The following TMCO5A variants were observed in gnomAD, a reference collection of about 807,000 sequenced individuals.
The protein encoded by TMCO5A is transmembrane and coiled-coil domain-containing protein 5A.
In TMCO5A, 34 loss-of-function variants were observed where a neutral mutation model predicts 42.3. That is an observed-to-expected ratio of 0.80 (90% CI 0.61 to 1.07). TMCO5A has a LOEUF of 1.07. Among genes scored for constraint, TMCO5A ranks in the 50% least tolerant of loss-of-function variants. The pLI, the probability that TMCO5A is intolerant of heterozygous loss-of-function variation, is 0.00. For missense variants in TMCO5A, 357 were observed against 327.9 expected (o/e 1.09, Z -0.69); for synonymous variants, 131 against 115.6 (o/e 1.13, Z -0.86).
the TMCO5A span, among the ~76,000 whole-genome samples, chr15:37,988,047 T>C: frequency 2.0e-5 from 3 of 152,084 alleles, no homozygotes; most frequent in East Asian, 5.8e-4. Flanking sequence ...CAATGTTTCA[T>C]AATTTTCTTT....
downstream of TMCO5A, among the ~76,000 whole-genome samples, chr15:37,971,931 C>T (rs1043364598): frequency 6.6e-6 from 1 of 152,222 alleles, no homozygotes; most frequent in Admixed American, 6.5e-5. Context: ...CCCACATTTT[C>T]CTGTCTTCTT....
chr15:38,028,879 T>C, the TMCO5A span, among the ~76,000 whole-genome samples: 1 of 152,050 alleles, frequency 6.6e-6, no homozygotes, highest in Non-Finnish European at 1.5e-5. Flanking sequence ...AACTACTTCC[T>C]TGAGACCACG....
chr15:37,955,598 G>A (rs1040996532), downstream of TMCO5A, among the ~76,000 whole-genome samples: 1 of 152,066 alleles, frequency 6.6e-6, no homozygotes, highest in South Asian at 2.1e-4. Context: ...CATAAAGCAA[G>A]TTCTCAGAGA....
In TMCO5A at chr15:37,960,424, A is replaced by G. The variant is rs768723830; in HGVS notation, c.669-6201A>G. Among the ~76,000 whole-genome samples the G allele has an allele frequency of 4.4e-4, 67 of 152,000 alleles. 3 individuals are homozygous for G. Among genetic ancestry groups the G allele is most frequent in the Non-Finnish European group, 1.0e-4 (7 of 67,992 alleles). On this transcript the variant is annotated intron_variant, in intron 11 of 11. Transcript: ENST00000559502. ...TAAATATACCACAATTTTTTTATCC[A>G]TTAGTTGATTGATGGGCATTTGGGT...
the TMCO5A span, among the ~76,000 whole-genome samples, chr15:38,013,527 G>A: frequency 2.6e-5 from 4 of 152,158 alleles, no homozygotes; most frequent in Non-Finnish European, 4.4e-5. Flanking sequence ...CATCAGTGAT[G>A]TGATAGGAGC....
chr15:38,030,743 A>G, the TMCO5A span, among the ~76,000 whole-genome samples: 1 of 152,112 alleles, frequency 6.6e-6, no homozygotes, highest in Non-Finnish European at 1.5e-5. Context: ...AGTTCCCCCA[A>G]ACAAGCCTTT....
At chr15:37,959,859 A>T (rs1027748750) in intron 11 of TMCO5A, among the ~76,000 whole-genome samples, 1 of 151,960 alleles carries the variant, frequency 6.6e-6, no homozygotes, top group Non-Finnish European at 1.5e-5. Flanking sequence ...AAGAAAGAAC[A>T]TCCAAATTGG....
intron 7 of TMCO5A, 101 bp from the exon 8 acceptor site, chr15:37,941,569 GA>G: frequency 1.1e-6 from 1 of 886,724 alleles, no homozygotes; most frequent in Non-Finnish European, 1.9e-6. Context: ...AGAACAATTA[GA>G]AAACCACATT....
chr15:37,962,783 C>G (rs1890462064), intron 11 of TMCO5A, among the ~76,000 whole-genome samples: 1 of 152,034 alleles, frequency 6.6e-6, no homozygotes, highest in Non-Finnish European at 1.5e-5. Context: ...TTGTATCTTT[C>G]CAGGAATTTA....
At chr15:37,937,876 G>A (rs1284327143) in intron 5 of TMCO5A, among the ~76,000 whole-genome samples, 2 of 152,068 alleles carry the variant, frequency 1.3e-5, no homozygotes, top group Non-Finnish European at 2.9e-5. Flanking sequence ...TGAGTATAAA[G>A]TAGCCTTCTA....
the TMCO5A span, among the ~76,000 whole-genome samples, chr15:37,993,776 G>T: frequency 1.3e-5 from 2 of 152,108 alleles, no homozygotes. Context: ...AATTTATGAA[G>T]GACAGGGCTT....
At chr15:37,988,638 G>A in the TMCO5A span, among the ~76,000 whole-genome samples, 1 of 151,898 alleles carries the variant, frequency 6.6e-6, no homozygotes. Context: ...TGTTAATGTG[G>A]TGTATTACAT....
At chr15:38,012,885 G>A in the TMCO5A span, among the ~76,000 whole-genome samples, 8 of 152,080 alleles carry the variant, frequency 5.3e-5, no homozygotes, top group Non-Finnish European at 1.2e-4. Context: ...TACCAAGAAG[G>A]GATAATAGAG....
chr15:37,993,370 TGGG>T, the TMCO5A span: 1 of 133,070 alleles, frequency 7.5e-6, no homozygotes. Context: ...TTTGCTAATT[TGGG>T]TTTTTTTTTT....
At chr15:38,000,930 C>G in the TMCO5A span, among the ~76,000 whole-genome samples, 3 of 152,010 alleles carry the variant, frequency 2.0e-5, no homozygotes, top group African/African-American at 4.8e-5. Flanking sequence ...ATGGCCTATC[C>G]TTGAAAATAA....
the TMCO5A span, among the ~76,000 whole-genome samples, chr15:38,031,312 C>T: frequency 2.0e-5 from 3 of 152,180 alleles, no homozygotes; most frequent in Non-Finnish European, 4.4e-5. Flanking sequence ...CTTGTGGTAA[C>T]CAGCCTCCAA....
At chr15:38,010,511 G>A in the TMCO5A span, among the ~76,000 whole-genome samples, 3 of 146,818 alleles carry the variant, frequency 2.0e-5, no homozygotes, top group African/African-American at 2.5e-5. Context: ...TGCCATCCAC[G>A]AAGGCTACAA....
chr15:38,025,536 C>T, the TMCO5A span, among the ~76,000 whole-genome samples: 6 of 152,146 alleles, frequency 3.9e-5, no homozygotes, highest in Non-Finnish European at 8.8e-5. Context: ...AATACAACTA[C>T]TCTATCATCC....
chr15:37,959,413 A>G (rs1162136201), intron 11 of TMCO5A, among the ~76,000 whole-genome samples: 2 of 151,990 alleles, frequency 1.3e-5, no homozygotes, highest in East Asian at 1.9e-4. Context: ...AAAGAAAACT[A>G]CAGGCCAAAA....
Sources: gnomAD v4.1 joint callset for allele counts (sites outside exome capture counted in the v4.1 genomes callset) on GRCh38, gnomAD v4.1.1 for gene constraint, MANE v1.5 for transcripts, NCBI Gene and HGNC (gene_info 2026-07-23, HGNC 2026-07-21) for gene names.